SNTN: variants seen among roughly 807,000 people sequenced by gnomAD.
The protein encoded by SNTN is sentan, cilia apical structure protein, also known as sentan.
SNTN carries 13 observed loss-of-function variants against 12.3 expected under a neutral mutation model. The observed-to-expected ratio is 1.05, with a 90% confidence interval of 0.69 to 1.67. SNTN has a LOEUF of 1.67. Among genes scored for constraint, SNTN ranks in the 40% most tolerant of loss-of-function variants. SNTN has a pLI of 0.00. For missense variants in SNTN, 189 were observed against 169.8 expected (o/e 1.11, Z -0.63); for synonymous variants, 69 against 58.5 (o/e 1.18, Z -0.82).
At chr3:63,656,677 G>T (rs1047322095) in intron 2 of SNTN, among the ~76,000 whole-genome samples, 12 of 152,090 alleles carry the variant, frequency 7.9e-5, no homozygotes, top group Non-Finnish European at 1.6e-4. Context: ...TTTGGTGGGG[G>T]TACAGCACTG....
intron 1 of SNTN, among the ~76,000 whole-genome samples, chr3:63,654,397 C>T (rs1700653464): frequency 6.6e-6 from 1 of 152,164 alleles, no homozygotes; most frequent in East Asian, 1.9e-4. Context: ...CAGCATGTGG[C>T]TTCTAAAGTC....
chr3:63,663,824 A>G, intron 3 of SNTN, 113 bp from the exon 4 acceptor site: 1 of 1,318,702 alleles, frequency 7.6e-7, no homozygotes, highest in Non-Finnish European at 1.1e-6. Flanking sequence ...TAAATCACTC[A>G]GTCTCAGGTA....
Position 63,663,954 on chromosome 3 carries a change from A to G in SNTN, c.303A>G (p.Pro101=), listed in dbSNP as rs1700771797. The G allele has an allele frequency of 1.2e-6, 2 of 1,612,050 alleles. No homozygotes were observed. Among genetic ancestry groups the G allele is most frequent in the Non-Finnish European group, 1.7e-6 (2 of 1,179,534 alleles). ...TCTCACAGGGACAAGAAACCAAGCC[A>G]AAATACAGAGAGATCCTTTCTGAAC... ...RNFAEGQETK[P]KYREILSELD... Residue 101 remains proline (P), a synonymous_variant, in exon 4 of 4, where the codon CCA becomes CCG. Transcript: ENST00000343837.
chr3:63,657,521 A>G (rs985103773), intron 2 of SNTN, among the ~76,000 whole-genome samples: 1 of 152,246 alleles, frequency 6.6e-6, no homozygotes, highest in African/African-American at 2.4e-5. Flanking sequence ...CAGTGTTATT[A>G]GAACAACCAG....
chr3:63,658,695 G>A (rs1360462495), intron 2 of SNTN, among the ~76,000 whole-genome samples: 1 of 152,038 alleles, frequency 6.6e-6, no homozygotes, highest in Non-Finnish European at 1.5e-5. Context: ...GAGATCCAGT[G>A]CCTGGCCCCA....
intron 1 of SNTN, among the ~76,000 whole-genome samples, chr3:63,653,657 T>C (rs749016912): frequency 3.9e-5 from 6 of 152,178 alleles, no homozygotes; most frequent in African/African-American, 7.2e-5. Context: ...ACTCCAGCCA[T>C]TGGGGGTTGA....
At chr3:63,660,693 A>G (rs1335211492) in intron 3 of SNTN, among the ~76,000 whole-genome samples, 1 of 152,196 alleles carries the variant, frequency 6.6e-6, no homozygotes, top group Non-Finnish European at 1.5e-5. Flanking sequence ...CTAGAGAAGA[A>G]AAAGGCTAAA....
At chr3:63,661,933 C>T (rs1700748006) in intron 3 of SNTN, among the ~76,000 whole-genome samples, 1 of 152,148 alleles carries the variant, frequency 6.6e-6, no homozygotes, top group African/African-American at 2.4e-5. Flanking sequence ...CCTCTCAGAA[C>T]ACCAGGGGAA....
chr3:63,656,834 A>G (rs1700684452), intron 2 of SNTN, among the ~76,000 whole-genome samples: 2 of 152,198 alleles, frequency 1.3e-5, no homozygotes, highest in African/African-American at 4.8e-5. Flanking sequence ...CTGAAAACAC[A>G]ACACCTAGAG....
intron 1 of SNTN, 27 bp downstream of exon 1, chr3:63,652,824 T>A: frequency 6.3e-7 from 1 of 1,590,606 alleles, no homozygotes; most frequent in Non-Finnish European, 8.6e-7. Flanking sequence ...TGTCTTTTAT[T>A]GAGTTTCATT....
chr3:63,652,697 T>G lies in SNTN; in HGVS notation c.10T>G (p.Cys4Gly). Residue 4 changes from cysteine to glycine, a missense_variant, in exon 1 of 4, where the codon TGT becomes GGT. Physicochemically the swap from Cys to Gly is radical, Grantham distance 159 (BLOSUM62 -3). Transcript: ENST00000343837. Reference protein sequence around the residue: MGGCMHSTQDKSLH... With the variant: MGGGMHSTQDKSLH... ...AACAGAAGATGAGAGAATGGGTGGC[T>G]GTATGCACAGTACCCAGGACAAATC... is the stretch of plus-strand genomic sequence containing the variant. 1 of 1,613,798 alleles carries G rather than the reference T, an allele frequency of 6.2e-7. No homozygotes were observed. Among genetic ancestry groups the G allele is most frequent in the Non-Finnish European group, 8.5e-7 (1 of 1,179,838 alleles).
In SNTN at chr3:63,656,068, T is replaced by C. The variant is rs544288362; in HGVS notation, c.145+1272T>C. Among the ~76,000 whole-genome samples, 4 of 152,352 alleles carry C rather than the reference T, an allele frequency of 2.6e-5. No homozygotes were observed. In the East Asian group the frequency reaches 7.7e-4, roughly 29 times the overall value. Reference sequence around the variant, plus strand: ...GAGCTTGAGCAAACAACTTCTCTCCTGTAGGTCTTCACATCATTCACAAAA... The same window carrying C: ...GAGCTTGAGCAAACAACTTCTCTCCCGTAGGTCTTCACATCATTCACAAAA... On this transcript the variant is annotated intron_variant, in intron 2 of 3. Transcript: ENST00000343837.
In SNTN at chr3:63,654,865, A is replaced by G. The variant is rs79740058; in HGVS notation, c.145+69A>G. ...AGATGGCATGCCAAGTGTTAAAAAA[A>G]AATAATAGGACATCAAAGAATGCCA... On this transcript the variant is annotated intron_variant, in intron 2 of 3. Transcript: ENST00000343837. The G allele has an allele frequency of 1.5e-4, 205 of 1,375,980 alleles. No individual in the cohort carries two copies. The East Asian group carries it at 3.8e-3, about 25-fold the overall frequency. The allele number at this position is 1,375,980 out of a possible 1,614,324, so 85.2% of individuals were successfully genotyped here.
At position 63,664,579 on chromosome 3, in the gene SNTN, G is replaced by A. The variant is rs1700780436; in HGVS notation, c.*484G>A. 1 of 152,016 alleles carries A rather than the reference G, an allele frequency of 6.6e-6. No homozygotes were observed. The highest frequency in any genetic ancestry group is 2.1e-4 in the South Asian group (1 of 4,808). 9.4% of individuals were successfully genotyped at this position (152,016 alleles called of 1,614,324 possible). ...AATTAGAATTGAAATAAGGGCTATA[G>A]GATGCTAAAAGAGATTATCACCTGA... On this transcript the variant is annotated 3_prime_UTR_variant, in exon 4 of 4. Coordinates refer to ENST00000343837, the MANE Select transcript of SNTN (RefSeq NM_001080537.2).
intron 1 of SNTN, among the ~76,000 whole-genome samples, chr3:63,654,350 G>C (rs1047870922): frequency 9.2e-5 from 14 of 152,180 alleles, no homozygotes; most frequent in African/African-American, 3.4e-4. Context: ...GTCTGTGACT[G>C]TTTTACTCCA....
At chr3:63,659,694 G>C (rs755355103) in intron 2 of SNTN, 31 bp from the exon 3 acceptor site, 1 of 1,612,676 alleles carries the variant, frequency 6.2e-7, no homozygotes, top group African/African-American at 1.3e-5. Flanking sequence ...TCTAACTCAG[G>C]ATACTTTATT....
rs1407285363 is a variant in SNTN at position 63,652,735 on chromosome 3, A to G, written c.48A>G (p.Glu16=). 2.5e-6 allele frequency: 4 copies of G among 1,614,094 alleles called. No individual in the cohort carries two copies. The Admixed American group carries it at 5.0e-5, about 20-fold the overall frequency. The part of the protein sequence containing the change: ...HSTQDKSLHL[E]GDPNPSAAPT... ...CCCAGGACAAATCTCTCCACTTGGA[A>G]GGAGATCCCAATCCTTCTGCAGCCC... is the stretch of plus-strand genomic sequence containing the variant. The change falls in exon 1 of 4, where the codon GAA becomes GAG. Residue 16 remains glutamate, a synonymous_variant. Coordinates refer to ENST00000343837, the MANE Select transcript of SNTN (RefSeq NM_001080537.2).
chr3:63,661,791 A>G (rs796912388), intron 3 of SNTN, among the ~76,000 whole-genome samples: 18 of 152,234 alleles, frequency 1.2e-4, no homozygotes, highest in African/African-American at 4.3e-4. Flanking sequence ...TCCAAGGCCA[A>G]AAGAAATGGG....
In SNTN at chr3:63,665,200, C is replaced by CT. The variant is rs1215119049; in HGVS notation, c.*1107dup. Among the ~76,000 whole-genome samples the CT allele has an allele frequency of 1.3e-5, 2 of 152,122 alleles. No individual in the cohort carries two copies. The highest frequency in any genetic ancestry group is 1.3e-4 in the Admixed American group (2 of 15,272). On this transcript the variant is annotated 3_prime_UTR_variant, in exon 4 of 4. Transcript: ENST00000343837. The stretch of plus-strand genomic sequence containing the variant: ...GTCAATTATACCTAAATAAATCTGA[C>CT]TTAACAAAAAAATAAAACCCAGTAT...
Sources: allele counts gnomAD v4.1 joint callset (sites outside exome capture counted in the v4.1 genomes callset), GRCh38; gene constraint gnomAD v4.1.1; transcripts MANE v1.5; gene names NCBI Gene and HGNC (gene_info 2026-07-23, HGNC 2026-07-21).